EPHB1: variants seen among roughly 807,000 people sequenced by gnomAD.
EPHB1 encodes the protein ephrin type-B receptor 1.
In EPHB1, 30 loss-of-function variants were observed where a neutral mutation model predicts 94.4. The ratio of observed to expected loss-of-function variants is 0.32; its 90% CI spans 0.24 to 0.43. The LOEUF (loss-of-function observed/expected upper bound fraction) is 0.43. EPHB1 is among the 20% of genes least tolerant of loss of function. EPHB1 has a pLI of 1.00. For missense variants in EPHB1, 1,055 were observed against 1,308.3 expected (o/e 0.81, Z 2.99); for synonymous variants, 522 against 489.1 (o/e 1.07, Z -0.89).
At chr3:134,851,022 G>C (rs1430944589) in intron 1 of EPHB1, among the ~76,000 whole-genome samples, 2 of 152,266 alleles carry the variant, frequency 1.3e-5, no homozygotes, top group African/African-American at 4.8e-5. Context: ...TCCTCTTCCT[G>C]GTTGGACCAT....
At chr3:134,873,907 G>A (rs1478278512) in intron 1 of EPHB1, among the ~76,000 whole-genome samples, 1 of 152,166 alleles carries the variant, frequency 6.6e-6, no homozygotes, top group Non-Finnish European at 1.5e-5. Context: ...AGGTCATGGG[G>A]CAGTAGTTTG....
intron 3 of EPHB1, among the ~76,000 whole-genome samples, chr3:135,100,351 A>C (rs1938991934): frequency 6.6e-6 from 1 of 152,204 alleles, no homozygotes; most frequent in Admixed American, 6.5e-5. Context: ...TGAGGTCTCC[A>C]TTTTATCTTC....
intron 15 of EPHB1, among the ~76,000 whole-genome samples, chr3:135,250,299 T>C (rs547748822): frequency 6.6e-6 from 1 of 152,190 alleles, no homozygotes; most frequent in African/African-American, 2.4e-5. Context: ...AACTGTAGTC[T>C]GGGAAATATT....
At chr3:135,211,724 T>C (rs1235486791) in intron 12 of EPHB1, among the ~76,000 whole-genome samples, 1 of 152,226 alleles carries the variant, frequency 6.6e-6, no homozygotes, top group African/African-American at 2.4e-5. Context: ...TTCATATTCG[T>C]ATACGCATTG....
chr3:135,143,712 G>A (rs1260859187), intron 5 of EPHB1, among the ~76,000 whole-genome samples: 1 of 152,180 alleles, frequency 6.6e-6, no homozygotes, highest in East Asian at 1.9e-4. Context: ...ACCAATGGTT[G>A]TGTCCTCAGC....
intron 1 of EPHB1, among the ~76,000 whole-genome samples, chr3:134,818,602 T>C (rs2036315874): frequency 6.6e-6 from 1 of 152,218 alleles, no homozygotes; most frequent in Non-Finnish European, 1.5e-5. Flanking sequence ...TCCTCATAGC[T>C]TAGCTCCCAC....
intron 6 of EPHB1, among the ~76,000 whole-genome samples, chr3:135,157,328 C>A (rs144361767): frequency 5.6e-4 from 85 of 152,336 alleles, no homozygotes; most frequent in Non-Finnish European, 1.1e-3. Context: ...AGCACTGAAG[C>A]CACGAGGCTC....
intron 11 of EPHB1, among the ~76,000 whole-genome samples, chr3:135,198,135 C>G (rs557847302): frequency 6.6e-6 from 1 of 152,270 alleles, no homozygotes; most frequent in South Asian, 2.1e-4. Context: ...CATCATGGTT[C>G]TTCTCCCTGC....
intron 11 of EPHB1, among the ~76,000 whole-genome samples, chr3:135,194,459 G>A (rs962579987): frequency 1.3e-5 from 2 of 152,218 alleles, no homozygotes; most frequent in African/African-American, 2.4e-5. Flanking sequence ...GAATTTGCCA[G>A]ACAAGCGAGA....
intron 3 of EPHB1, among the ~76,000 whole-genome samples, chr3:135,054,483 C>G (rs941294518): frequency 6.6e-6 from 1 of 152,190 alleles, no homozygotes; most frequent in African/African-American, 2.4e-5. Flanking sequence ...GAACGTCTCA[C>G]TTCACTCTGC....
At chr3:134,840,511 A>G (rs573716572) in intron 1 of EPHB1, 11 of 152,354 alleles carry the variant, frequency 7.2e-5, no homozygotes, top group African/African-American at 2.6e-4. Context: ...GAAACTTCAA[A>G]TTAAAGCAGG....
chr3:134,981,115 A>G (rs1420480703), intron 3 of EPHB1, among the ~76,000 whole-genome samples: 1 of 152,180 alleles, frequency 6.6e-6, no homozygotes, highest in African/African-American at 2.4e-5. Flanking sequence ...CAGATTCACT[A>G]TCTGCTTTAT....
At chr3:134,974,904 T>TCCTC (rs1934121143) in intron 3 of EPHB1, among the ~76,000 whole-genome samples, 1 of 85,626 alleles carries the variant, frequency 1.2e-5, no homozygotes, top group African/African-American at 7.3e-5. Flanking sequence ...TCCTGTGCCT[T>TCCTC]GCACCTCCCT....
At chr3:135,125,700 T>TA (rs11408486) in intron 4 of EPHB1, among the ~76,000 whole-genome samples, 152,200 of 152,356 alleles carry the variant, frequency 1, 76,022 homozygotes, top group East Asian at 1. Context: ...TTGATAATGG[T>TA]CTACATCCCT....
chr3:134,826,537 T>C (rs953290150), intron 1 of EPHB1, among the ~76,000 whole-genome samples: 1 of 152,198 alleles, frequency 6.6e-6, no homozygotes, highest in African/African-American at 2.4e-5. Flanking sequence ...TTCTTCACCA[T>C]TCCTGTTTTT....
chr3:134,971,102 C>T (rs563471345), intron 3 of EPHB1, among the ~76,000 whole-genome samples: 6 of 152,102 alleles, frequency 3.9e-5, no homozygotes, highest in Non-Finnish European at 4.4e-5. Flanking sequence ...GAGGCAAAGT[C>T]GGCTAGAATG....
At chr3:134,815,535 T>C (rs774535459) in intron 1 of EPHB1, among the ~76,000 whole-genome samples, 2 of 152,130 alleles carry the variant, frequency 1.3e-5, no homozygotes, top group African/African-American at 2.4e-5. Flanking sequence ...AAAAGGAATA[T>C]GGGGGTTTCT....
At chr3:134,887,010 G>A (rs1412840179) in intron 1 of EPHB1, among the ~76,000 whole-genome samples, 3 of 152,188 alleles carry the variant, frequency 2.0e-5, no homozygotes, top group Non-Finnish European at 4.4e-5. Flanking sequence ...ACAGATATGG[G>A]GCAGTGGTTC....
At chr3:134,969,751 G>A (rs959478791) in intron 3 of EPHB1, among the ~76,000 whole-genome samples, 1 of 152,088 alleles carries the variant, frequency 6.6e-6, no homozygotes, top group Non-Finnish European at 1.5e-5. Context: ...TAAGGTGTTG[G>A]ATGCACATGA....
Sources: gnomAD v4.1 joint callset for allele counts (sites outside exome capture counted in the v4.1 genomes callset) on GRCh38, gnomAD v4.1.1 for gene constraint, MANE v1.5 for transcripts, NCBI Gene and HGNC (gene_info 2026-07-23, HGNC 2026-07-21) for gene names.